The following NUDT16L1 variants were observed in gnomAD, a reference collection of about 807,000 sequenced individuals.
NUDT16L1 encodes tudor-interacting repair regulator protein.
In NUDT16L1, 19 loss-of-function variants were observed where a neutral mutation model predicts 17.3. That is an observed-to-expected ratio of 1.10 (90% CI 0.77 to 1.61). The LOEUF (loss-of-function observed/expected upper bound fraction) is 1.61. NUDT16L1 is among the 40% of genes most tolerant of loss of function. The probability of loss-of-function intolerance (pLI) is 0.00; values close to 1 mark genes in which losing one functional copy is unlikely to be tolerated. For missense variants in NUDT16L1, 341 were observed against 292.0 expected (o/e 1.17, Z -1.22); for synonymous variants, 255 against 138.6 (o/e 1.84, Z -5.90).
At chr16:4,695,028 G>A (rs2079511880) in exon 3 of NUDT16L1, 2 of 1,613,180 alleles carry the variant, frequency 1.2e-6, no homozygotes, top group African/African-American at 2.7e-5. Context: ...AACTTCCTGA[G>A]CAACGCCTTC....
At chr16:4,694,616 G>C in intron 2 of NUDT16L1, 1 of 1,426,706 alleles carries the variant, frequency 7.0e-7, no homozygotes, top group Non-Finnish European at 9.2e-7. Flanking sequence ...GGGCGTGAAG[G>C]CTCTTGGGAT....
chr16:4,693,908 G>GT, intron 1 of NUDT16L1, 29 bp downstream of exon 1: 1 of 1,487,054 alleles, frequency 6.7e-7, no homozygotes, highest in Non-Finnish European at 8.9e-7. Context: ...GCGGGCGAGG[G>GT]TGCCGGCGCG....
exon 3 of NUDT16L1, chr16:4,695,345 G>C (rs555248310): frequency 1.4e-6 from 1 of 708,618 alleles, no homozygotes; most frequent in East Asian, 2.7e-5. Context: ...TGGCGGCCGG[G>C]CCAGCTGGAA....
Position 4,694,241 on chromosome 16 carries a change from G to A in NUDT16L1, c.414+3G>A. 1 of 1,472,682 alleles carries A rather than the reference G, an allele frequency of 6.8e-7. No homozygotes were observed. The allele number at this position is 1,472,682 out of a possible 1,614,324, so 91.2% of individuals were successfully genotyped here. On this transcript the variant is annotated splice_donor_region_variant and intron_variant, in intron 2 of 2. Coordinates refer to ENST00000304301, the Ensembl canonical transcript of NUDT16L1. ...ACTCGCGCGACCACGGCCTGGAGGT[G>A]GGGCCGCCGCCCGGGCCCCGCCCCC... is the stretch of plus-strand genomic sequence containing the variant.
rs759180581 is a variant in NUDT16L1, at chr16:4,695,212, G to A, written c.*33G>A. The A allele has an allele frequency of 3.8e-6, 6 of 1,598,716 alleles. No homozygotes were observed. In the African/African-American group the frequency reaches 8.1e-5, roughly 21 times the overall value. ...CTGAGCTGGTGGCACCCTCCCCTGG[G>A]CCGGAAGACTGGGAATTCCTGCTAA... On this transcript the variant is annotated 3_prime_UTR_variant, in exon 3 of 3. Transcript: ENST00000304301.
chr16:4,693,705 C>A (rs775538691), exon 1 of NUDT16L1: 7 of 1,476,856 alleles, frequency 4.7e-6, no homozygotes, highest in Non-Finnish European at 6.3e-6. Context: ...GTGGCAGCGG[C>A]GGGGACGGGG....
intron 2 of NUDT16L1, chr16:4,694,709 CGGGGT>C (rs1203700023): frequency 1.0e-6 from 1 of 976,406 alleles, no homozygotes; most frequent in Non-Finnish European, 1.2e-6. Flanking sequence ...GTGCGGACCC[CGGGGT>C]GGGGTGGCCT....
At chr16:4,695,824 A>G (rs1390193633) in exon 3 of NUDT16L1, 1 of 373,104 alleles carries the variant, frequency 2.7e-6, no homozygotes, top group Non-Finnish European at 4.8e-6. Context: ...GGAGAAGACA[A>G]TAAAGTCGCT....
At chr16:4,695,035 C>G (rs751551596) in exon 3 of NUDT16L1, 12 of 1,613,460 alleles carry the variant, frequency 7.4e-6, no homozygotes, top group African/African-American at 2.7e-5. Context: ...TGAGCAACGC[C>G]TTCGTGAGCA....
At chr16:4,693,931 CG>C in intron 1 of NUDT16L1, 46 bp from the exon 2 acceptor site, 2 of 1,501,652 alleles carry the variant, frequency 1.3e-6, no homozygotes, top group Non-Finnish European at 8.8e-7. Flanking sequence ...CGGGCCCGGG[CG>C]GGGGCGTCCG....
At chr16:4,694,172 G>T in exon 2 of NUDT16L1, 1 of 1,581,228 alleles carries the variant, frequency 6.3e-7, no homozygotes, top group African/African-American at 1.4e-5. Context: ...ACGCGCGGCA[G>T]CTGACGCTGG....
At position 4,694,326 on chromosome 16, in the gene NUDT16L1, G is replaced by A. The variant is rs902656850; in HGVS notation, c.414+88G>A. The A allele has an allele frequency of 8.7e-6, 13 of 1,491,514 alleles. No individual in the cohort carries two copies. In the Admixed American group the frequency reaches 1.1e-4, roughly 12 times the overall value. The allele number at this position is 1,491,514 out of a possible 1,614,324, so 92.4% of individuals were successfully genotyped here. A position where few individuals can be genotyped will look rare whatever the true frequency, so the allele number is the denominator to read the frequency against. ...ACCGATGGGTAACACGTCTCCTGAGGGTCCCCTGGCCGGGCTGGGTCGGGT... is the reference window on the plus strand; with the variant it reads ...ACCGATGGGTAACACGTCTCCTGAGAGTCCCCTGGCCGGGCTGGGTCGGGT... On this transcript the variant is annotated intron_variant, in intron 2 of 2. Coordinates refer to ENST00000304301, the Ensembl canonical transcript of NUDT16L1.
intron 1 of NUDT16L1, 27 bp downstream of exon 1, chr16:4,693,906 G>T: frequency 6.7e-7 from 1 of 1,483,632 alleles, no homozygotes; most frequent in South Asian, 1.3e-5. Flanking sequence ...GCGCGGGCGA[G>T]GGTGCCGGCG....
At chr16:4,693,623 A>T, upstream of NUDT16L1, 2 of 1,259,852 alleles carry the variant, frequency 1.6e-6, no homozygotes, top group Non-Finnish European at 2.0e-6. Flanking sequence ...TTGGCGGGGG[A>T]ACCGGACCCG....
chr16:4,695,074 C>T (rs761186574), exon 3 of NUDT16L1: 12 of 1,613,536 alleles, frequency 7.4e-6, no homozygotes, highest in South Asian at 4.4e-5. Context: ...TCTTTGCCCT[C>T]AAGGTGCTCA....
At chr16:4,695,736 A>C (rs1446832279) in exon 3 of NUDT16L1, 3 of 398,836 alleles carry the variant, frequency 7.5e-6, no homozygotes. Flanking sequence ...GTTTCAAAGT[A>C]GCTTCACCCC....
At chr16:4,695,446 A>G (rs2142007339) in exon 3 of NUDT16L1, 1 of 591,366 alleles carries the variant, frequency 1.7e-6, no homozygotes, top group South Asian at 2.1e-5. Context: ...TTCTGGGCTC[A>G]GACCCTCCTC....
exon 3 of NUDT16L1, chr16:4,695,565 G>T: frequency 2.2e-6 from 1 of 453,780 alleles, no homozygotes; most frequent in South Asian, 5.6e-5. Flanking sequence ...GGTGGAGGAT[G>T]CCTTGTCTCG....
chr16:4,694,820 G>A, intron 2 of NUDT16L1, 138 bp from the exon 3 acceptor site: 2 of 1,450,216 alleles, frequency 1.4e-6, no homozygotes, highest in South Asian at 1.4e-5. Context: ...GCTTCTGCCA[G>A]GCCCTGCGTG....
Sources: allele counts gnomAD v4.1 joint callset, GRCh38; gene constraint gnomAD v4.1.1; transcripts MANE v1.5; gene names NCBI Gene and HGNC (gene_info 2026-07-23, HGNC 2026-07-21).